Variants in ZBTB17 observed in about 807,000 individuals in gnomAD.
ZBTB17 encodes the protein zinc finger and BTB domain-containing protein 17.
Under a neutral mutation model 85.1 loss-of-function variants are expected in ZBTB17, and 24 were observed. That is an observed-to-expected ratio of 0.28 (90% CI 0.20 to 0.40). The LOEUF (loss-of-function observed/expected upper bound fraction) is 0.40, where lower values mean the gene tolerates loss of function less well. Ranked by LOEUF, ZBTB17 falls within the 10% of genes least tolerant of loss-of-function variation. The pLI, the probability that ZBTB17 is intolerant of heterozygous loss-of-function variation, is 1.00. For missense variants in ZBTB17, 743 were observed against 1,105.1 expected, an observed-to-expected ratio of 0.67 and a Z score of 4.65; for synonymous variants, 464 against 460.2, an observed-to-expected ratio of 1.01 and a Z score of -0.11.
intron 2 of ZBTB17, among the ~76,000 whole-genome samples, chr1:15,960,351 C>T (rs541584224): frequency 6.6e-6 from 1 of 152,322 alleles, no homozygotes. Context: ...CATATAAACC[C>T]AAGCCAGCAA....
At chr1:15,954,429 C>T (rs1272943303) in intron 2 of ZBTB17, among the ~76,000 whole-genome samples, 2 of 152,212 alleles carry the variant, frequency 1.3e-5, no homozygotes, top group South Asian at 2.1e-4. Flanking sequence ...ACAAGCTGCT[C>T]CCAGCTCTGA....
chr1:15,960,310 G>C (rs928595979), intron 2 of ZBTB17, among the ~76,000 whole-genome samples: 1 of 152,182 alleles, frequency 6.6e-6, no homozygotes, highest in Non-Finnish European at 1.5e-5. Context: ...TCTTCATAAA[G>C]CTACTGCTGG....
In ZBTB17 at chr1:15,948,669, C is replaced by T. The variant is rs2071711016; in HGVS notation, c.-2-172G>A. Among the ~76,000 whole-genome samples, 2 of 152,242 alleles carry T rather than the reference C, an allele frequency of 1.3e-5. 1 individual carries two copies. Among genetic ancestry groups the T allele is most frequent in the Non-Finnish European group, 2.9e-5 (2 of 68,036 alleles). On this transcript the variant is annotated intron_variant, in intron 2 of 15. Transcript: ENST00000375743. The stretch of plus-strand genomic sequence containing the variant: ...GTCCAGATACCCCCTGCAAGCCAAA[C>T]TCAACCAACTGGTGGCTCCTGTATT...
chr1:15,945,795 G>A lies in ZBTB17; in HGVS notation c.581C>T (p.Pro194Leu), dbSNP rs1457742240. The A allele has an allele frequency of 6.2e-7, 1 of 1,604,596 alleles. No homozygotes were observed. The highest frequency in any genetic ancestry group is 1.7e-4 in the Middle Eastern group (1 of 6,056). The change falls in exon 6 of 16, where the codon CCT becomes CTT. Residue 194 changes from proline to leucine, a missense_variant. Transcript: ENST00000375743. ...EKADAPREPP[P>L]VELKPDPTSG... ...CGTGGGGTCTGGCTTGAGCTCCACA[G>A]GCGGCGGCTCCCGGGGCGCATCGGC...
chr1:15,947,683 G>C (rs771174197), intron 3 of ZBTB17, among the ~76,000 whole-genome samples: 21 of 152,144 alleles, frequency 1.4e-4, no homozygotes, highest in Admixed American at 5.9e-4. Context: ...ACCAGTGGAG[G>C]ACACTCCAAC....
rs138763175 is a variant in ZBTB17, at chr1:15,945,095, G to C, written c.769C>G (p.Leu257Val). Residue 257 changes from leucine (L) to valine (V), a missense_variant, in exon 7 of 16, where the codon CTG becomes GTG. By Grantham distance (32) the Leu-to-Val change is conservative (BLOSUM62 1). Around this residue, in one of 4 missense-constraint regions of ZBTB17, gnomAD observed 279 missense variants for 269.9 expected, o/e 1.03. Transcript: ENST00000375743. ...TCCTCGGGGGCCTCTCCGTTCTCCA[G>C]CTGGGAACCCTCCTCCTTGACCTCA... ...PAEVKEEGSQ[L>V]ENGEAPEENE... 53 of 1,610,906 alleles carry C rather than the reference G, an allele frequency of 3.3e-5. No individual in the cohort carries two copies. The highest frequency in any genetic ancestry group is 1.8e-5 in the Non-Finnish European group (21 of 1,178,954).
In ZBTB17 at chr1:15,975,467, G is replaced by C. The variant is rs1019620810; in HGVS notation, c.-90+516C>G. 8.5e-5 allele frequency among the ~76,000 whole-genome samples: 13 copies of C among 152,242 alleles called. No homozygotes were observed. The South Asian group carries it at 2.1e-3, about 24-fold the overall frequency. ...CTCGCTCTAGCTTCACCATCTATCA[G>C]GTGCTGAACCACCGTCCGCAGTACG... On this transcript the variant is annotated intron_variant, in intron 1 of 15. Transcript: ENST00000375743.
At chr1:15,948,572 T>C in intron 2 of ZBTB17, 75 bp from the exon 3 acceptor site, 1 of 1,465,634 alleles carries the variant, frequency 6.8e-7, no homozygotes, top group Non-Finnish European at 9.3e-7. Context: ...ACTCCTAAAG[T>C]CCCAGGCGAG....
At chr1:15,955,514 C>T (rs1433987780) in intron 2 of ZBTB17, among the ~76,000 whole-genome samples, 2 of 152,194 alleles carry the variant, frequency 1.3e-5, no homozygotes, top group African/African-American at 4.8e-5. Context: ...TATCTCTACA[C>T]AGTCCCACCA....
rs1414663086 is a variant in ZBTB17 at position 15,944,393 on chromosome 1, G to C, written c.1278C>G (p.Ser426=). The change falls in exon 9 of 16, where the codon TCC becomes TCG. Residue 426 remains serine (S), a synonymous_variant. Transcript: ENST00000375743. ...GCATCTTGGAAGTGGGGTCGGAGAA[G>C]GAGCGGCCGCAGTAGTCGCACTGGT... ...KPYQCDYCGR[S]FSDPTSKMRH... is the part of the protein sequence containing the mutation. 1.9e-6 allele frequency: 3 copies of C among 1,561,670 alleles called. No homozygotes were observed. The highest frequency in any genetic ancestry group is 2.4e-5 in the South Asian group (2 of 84,838).
chr1:15,946,636 AG>A (rs1240402820), intron 4 of ZBTB17, among the ~76,000 whole-genome samples: 3 of 152,206 alleles, frequency 2.0e-5, no homozygotes, highest in Admixed American at 2.0e-4. Context: ...TGGGCATCTG[AG>A]GGCTTTTATC....
chr1:15,968,270 A>T (rs932927702), intron 2 of ZBTB17, among the ~76,000 whole-genome samples: 3 of 152,182 alleles, frequency 2.0e-5, no homozygotes, highest in African/African-American at 7.2e-5. Flanking sequence ...CCTCAATTAC[A>T]TGGAGTTTTC....
Position 15,946,224 on chromosome 1 carries a change from G to A in ZBTB17, c.465C>T (p.Arg155=). 1 of 1,613,598 alleles carries A rather than the reference G, an allele frequency of 6.2e-7. No homozygotes were observed. The highest frequency in any genetic ancestry group is 2.2e-5 in the East Asian group (1 of 44,878). ...STLSRLEQAG[R]STPIGPSRDL... is the part of the protein sequence containing the mutation. ...CCCTGCTGGGGCCTATGGGTGTGCTGCGTCCTGCCTGCTCCAGCCTGCTCA... is the reference window on the plus strand; with the variant it reads ...CCCTGCTGGGGCCTATGGGTGTGCTACGTCCTGCCTGCTCCAGCCTGCTCA... Residue 155 remains arginine, a synonymous_variant, in exon 5 of 16, where the codon CGC becomes CGT. Transcript: ENST00000375743.
chr1:15,950,435 T>C (rs1017239011), intron 2 of ZBTB17, among the ~76,000 whole-genome samples: 1 of 152,226 alleles, frequency 6.6e-6, no homozygotes, highest in African/African-American at 2.4e-5. Flanking sequence ...TGTCTTCTCC[T>C]GGCTGTGGAA....
chr1:15,961,468 T>C (rs2072255350), intron 2 of ZBTB17, among the ~76,000 whole-genome samples: 1 of 152,206 alleles, frequency 6.6e-6, no homozygotes, highest in Non-Finnish European at 1.5e-5. Context: ...ATTTTGGGGA[T>C]CCTGAAGCTG....
Position 15,941,984 on chromosome 1 carries a change from G to A in ZBTB17, c.2397C>T (p.Pro799=). The change falls in exon 16 of 16, where the codon CCC becomes CCT. Residue 799 remains proline, a synonymous_variant. Coordinates refer to ENST00000375743, the MANE Select transcript of ZBTB17 (RefSeq NM_003443.3). ...GGCCGCCAGCTCACTCGGCAGGCGG[G>A]GGACATTCAGGAGCTGTAGGGGAGG... ...AETSPTAPEC[P]PPAE is the part of the protein sequence containing the mutation. The A allele has an allele frequency of 6.3e-7, 1 of 1,597,248 alleles. No homozygotes were observed. Among genetic ancestry groups the A allele is most frequent in the Non-Finnish European group, 8.5e-7 (1 of 1,175,080 alleles).
At position 15,966,235 on chromosome 1, in the gene ZBTB17, C is replaced by T. The variant is rs1025153274; in HGVS notation, c.-3+6804G>A. Among the ~76,000 whole-genome samples the T allele has an allele frequency of 3.9e-5, 6 of 152,252 alleles. No homozygotes were observed. The highest frequency in any genetic ancestry group is 6.5e-5 in the Admixed American group (1 of 15,288). Reference sequence around the variant, plus strand: ...CTCTGAGCTCTGGTGATACAGCTTCCCATGGGGCAGGCTGGCGAAATTCGA... The same window carrying T: ...CTCTGAGCTCTGGTGATACAGCTTCTCATGGGGCAGGCTGGCGAAATTCGA... On this transcript the variant is annotated intron_variant, in intron 2 of 15. Coordinates refer to ENST00000375743, the MANE Select transcript of ZBTB17 (RefSeq NM_003443.3). The surrounding 1 kb of genome is among the most constrained non-coding windows in gnomAD (Gnocchi z 4.1).
At chr1:15,970,477 C>G (rs1178603878) in intron 2 of ZBTB17, among the ~76,000 whole-genome samples, 1 of 135,132 alleles carries the variant, frequency 7.4e-6, no homozygotes, top group Non-Finnish European at 1.7e-5. Context: ...CTGCAACCTC[C>G]GCCTCCCGGG....
intron 1 of ZBTB17, among the ~76,000 whole-genome samples, chr1:15,975,457 C>G (rs1418166287): frequency 6.6e-6 from 1 of 152,198 alleles, no homozygotes; most frequent in African/African-American, 2.4e-5. Context: ...TCTAGCTTCA[C>G]CATCTATCAG....
Sources: gnomAD v4.1 joint callset for allele counts (sites outside exome capture counted in the v4.1 genomes callset) on GRCh38, gnomAD v4.1.1 for gene constraint, gnomAD v4.1.1 regional missense constraint, Gnocchi (gnomAD v3.1) non-coding constraint, MANE v1.5 for transcripts, NCBI Gene and HGNC (gene_info 2026-07-23, HGNC 2026-07-21) for gene names.